The following ZDHHC14 variants were observed in gnomAD, a reference collection of about 807,000 sequenced individuals.
ZDHHC14 encodes zDHHC palmitoyltransferase 14.
Under a neutral mutation model 47.7 loss-of-function variants are expected in ZDHHC14, and 16 were observed. The ratio of observed to expected loss-of-function variants is 0.34; its 90% CI spans 0.23 to 0.51. The LOEUF (loss-of-function observed/expected upper bound fraction) is 0.51. Among genes scored for constraint, ZDHHC14 ranks in the 20% least tolerant of loss-of-function variants. The pLI is 0.97. For synonymous variants in ZDHHC14, 293 were observed against 278.9 expected (o/e 1.05, Z -0.50); for missense variants, 515 against 662.5 (o/e 0.78, Z 2.44).
chr6:157,596,744 A>C (rs1303323941), intron 3 of ZDHHC14, among the ~76,000 whole-genome samples: 1 of 152,128 alleles, frequency 6.6e-6, no homozygotes, highest in African/African-American at 2.4e-5. Context: ...TTTCTTTTGA[A>C]GATTAACTGA....
intron 1 of ZDHHC14, among the ~76,000 whole-genome samples, chr6:157,525,352 A>T (rs1781119140): frequency 6.6e-6 from 1 of 151,964 alleles, no homozygotes; most frequent in Admixed American, 6.5e-5. Context: ...CTTTTGTAGA[A>T]ACAGGGTCTT....
chr6:157,620,484 A>G (rs1390970805), intron 3 of ZDHHC14, among the ~76,000 whole-genome samples: 1 of 152,264 alleles, frequency 6.6e-6, no homozygotes, highest in Non-Finnish European at 1.5e-5. Flanking sequence ...CAATCGGAAC[A>G]ATAATGTTTG....
intron 3 of ZDHHC14, among the ~76,000 whole-genome samples, chr6:157,603,269 G>A (rs955313380): frequency 9.2e-5 from 14 of 152,218 alleles, no homozygotes; most frequent in Admixed American, 3.3e-4. Flanking sequence ...ACACAGGTTC[G>A]TTCCCTGCCC....
chr6:157,540,910 G>GTGTGTATATATATATATATATATATATA (rs1284429244), intron 1 of ZDHHC14, among the ~76,000 whole-genome samples: 66 of 122,920 alleles, frequency 5.4e-4, no homozygotes, highest in African/African-American at 2.6e-3. Context: ...GTGTGTGTGT[G>GTGTGTATATATATATATATATATATATA]TATATATATA....
intron 8 of ZDHHC14, among the ~76,000 whole-genome samples, chr6:157,665,211 G>A (rs1423607119): frequency 6.6e-6 from 1 of 152,200 alleles, no homozygotes; most frequent in African/African-American, 2.4e-5. Context: ...TGCTGGTCCA[G>A]TATCAGTTCT....
intron 1 of ZDHHC14, among the ~76,000 whole-genome samples, chr6:157,425,167 A>G (rs1284066522): frequency 6.6e-6 from 1 of 152,202 alleles, no homozygotes; most frequent in Non-Finnish European, 1.5e-5. Flanking sequence ...TTCTCTTCAT[A>G]AGGATCTTGT....
intron 1 of ZDHHC14, among the ~76,000 whole-genome samples, chr6:157,401,925 T>C (rs932974663): frequency 3.4e-5 from 5 of 145,644 alleles, no homozygotes; most frequent in African/African-American, 1.3e-4. Flanking sequence ...ATAACTGCAG[T>C]AGTGAGATGT....
chr6:157,406,698 C>G (rs1447000194), intron 1 of ZDHHC14, among the ~76,000 whole-genome samples: 1 of 152,234 alleles, frequency 6.6e-6, no homozygotes, highest in Non-Finnish European at 1.5e-5. Context: ...GGAAAAATTT[C>G]AAACTAAGGA....
intron 2 of ZDHHC14, among the ~76,000 whole-genome samples, chr6:157,567,745 A>T (rs909595530): frequency 1.4e-4 from 21 of 149,694 alleles, no homozygotes; most frequent in African/African-American, 4.7e-4. Flanking sequence ...TGAACCTGGG[A>T]GGTTGCAGTG....
rs1562543966 is a variant in ZDHHC14 at position 157,675,314 on chromosome 6, C to G, written c.*2192C>G. 6.6e-6 allele frequency: 1 copy of G among 152,246 alleles called. No individual in the cohort carries two copies. The highest frequency in any genetic ancestry group is 2.1e-4 in the South Asian group (1 of 4,834). The allele number at this position is 152,246 out of a possible 1,614,324, so 9.4% of individuals were successfully genotyped here. A position where few individuals can be genotyped will look rare whatever the true frequency, so the allele number is the denominator to read the frequency against. On this transcript the variant is annotated 3_prime_UTR_variant, in exon 9 of 9. Coordinates refer to ENST00000359775, the MANE Select transcript of ZDHHC14 (RefSeq NM_024630.3). Reference sequence around the variant, plus strand: ...GGTTGCCACTCTCCTGTGACCAGCCCTTCTTCCCACCTCACTGTGAAAAAT... The same window carrying G: ...GGTTGCCACTCTCCTGTGACCAGCCGTTCTTCCCACCTCACTGTGAAAAAT...
chr6:157,671,596 C>T (rs1160397167), intron 8 of ZDHHC14, among the ~76,000 whole-genome samples: 1 of 152,194 alleles, frequency 6.6e-6, no homozygotes. Context: ...GCGGAGCTAT[C>T]AGGGGTGCCT....
chr6:157,418,977 T>C (rs1327897496), intron 1 of ZDHHC14, among the ~76,000 whole-genome samples: 1 of 152,206 alleles, frequency 6.6e-6, no homozygotes, highest in Non-Finnish European at 1.5e-5. Flanking sequence ...CACTATAAGA[T>C]GCTAGGAGGT....
rs143394117 is a variant in ZDHHC14 at position 157,676,495 on chromosome 6, T to C, written c.*3373T>C. 2,194 of 152,572 alleles carry C rather than the reference T, an allele frequency of 0.014. 24 individuals are homozygous for C. Among genetic ancestry groups the C allele is most frequent in the Non-Finnish European group, 0.022 (1,530 of 68,210 alleles). The allele number at this position is 152,572 out of a possible 1,614,324, so 9.5% of individuals were successfully genotyped here. ...TTCCAAGTGAGGAGCAAACCCATTTTATGAGCCATGTTCCTGCGGAGACCT... is the reference window on the plus strand; with the variant it reads ...TTCCAAGTGAGGAGCAAACCCATTTCATGAGCCATGTTCCTGCGGAGACCT... On this transcript the variant is annotated 3_prime_UTR_variant, in exon 9 of 9. Transcript: ENST00000359775.
chr6:157,420,324 A>G (rs1778069928), intron 1 of ZDHHC14, among the ~76,000 whole-genome samples: 2 of 144,834 alleles, frequency 1.4e-5, no homozygotes, highest in Admixed American at 1.4e-4. Context: ...GAGAAGGTAT[A>G]GTCATTGAAG....
At chr6:157,506,233 GAGTCCAGGGTTGA>G (rs1780323590) in intron 1 of ZDHHC14, among the ~76,000 whole-genome samples, 1 of 152,212 alleles carries the variant, frequency 6.6e-6, no homozygotes, top group African/African-American at 2.4e-5. Flanking sequence ...AACCCAGACT[GAGTCCAGGGTTGA>G]AGTCTCTGTC....
chr6:157,434,461 C>T (rs1017728589), intron 1 of ZDHHC14, among the ~76,000 whole-genome samples: 4 of 152,016 alleles, frequency 2.6e-5, no homozygotes, highest in Non-Finnish European at 4.4e-5. Flanking sequence ...TTGTCCCATT[C>T]CCTAAGTCCC....
chr6:157,623,885 A>G (rs1785296496), intron 3 of ZDHHC14, among the ~76,000 whole-genome samples: 1 of 152,172 alleles, frequency 6.6e-6, no homozygotes, highest in Non-Finnish European at 1.5e-5. Flanking sequence ...CTCCAGTGAT[A>G]CTGTGGTATA....
intron 1 of ZDHHC14, among the ~76,000 whole-genome samples, chr6:157,405,240 C>T (rs1460978177): frequency 6.6e-6 from 1 of 152,092 alleles, no homozygotes; most frequent in Non-Finnish European, 1.5e-5. Flanking sequence ...CCCAGGTGAG[C>T]TCTTTTTTTT....
chr6:157,509,112 G>A (rs1376341518), intron 1 of ZDHHC14, among the ~76,000 whole-genome samples: 1 of 152,018 alleles, frequency 6.6e-6, no homozygotes, highest in African/African-American at 2.4e-5. Context: ...CCCCACCTTA[G>A]AATCTCTGCC....
Sources: allele counts gnomAD v4.1 joint callset (sites outside exome capture counted in the v4.1 genomes callset), GRCh38; gene constraint gnomAD v4.1.1; transcripts MANE v1.5; gene names NCBI Gene and HGNC (gene_info 2026-07-23, HGNC 2026-07-21).